The following RASA3 variants were observed in gnomAD, a reference collection of about 807,000 sequenced individuals.
The protein encoded by RASA3 is RAS p21 protein activator 3.
Under a neutral mutation model 110.0 loss-of-function variants are expected in RASA3, and 73 were observed. That is an observed-to-expected ratio of 0.66 (90% CI 0.55 to 0.81). RASA3 has a LOEUF of 0.81. RASA3 is among the 30% of genes least tolerant of loss of function. The pLI is 0.00. For synonymous variants in RASA3, 500 were observed against 451.4 expected, an observed-to-expected ratio of 1.11 and a Z score of -1.37; for missense variants, 976 against 1,113.2, an observed-to-expected ratio of 0.88 and a Z score of 1.75.
chr13:113,990,231 A>T (rs763550987), intron 22 of RASA3, among the ~76,000 whole-genome samples: 1 of 152,066 alleles, frequency 6.6e-6, no homozygotes, highest in South Asian at 2.1e-4. Context: ...TTATAGCAAC[A>T]TGAGAACTAA....
intron 2 of RASA3, among the ~76,000 whole-genome samples, chr13:114,063,781 C>T (rs961422661): frequency 3.7e-5 from 5 of 134,606 alleles, no homozygotes; most frequent in East Asian, 5.2e-4. Context: ...AACACAAAGC[C>T]ACAGAACCCT....
intron 2 of RASA3, among the ~76,000 whole-genome samples, chr13:114,055,949 C>T (rs371650149): frequency 6.6e-6 from 1 of 152,238 alleles, no homozygotes; most frequent in African/African-American, 2.4e-5. Flanking sequence ...CCACCGGCAC[C>T]GATAGCCAAG....
intron 21 of RASA3, among the ~76,000 whole-genome samples, chr13:113,994,948 C>T (rs1392271932): frequency 1.3e-5 from 2 of 152,118 alleles, no homozygotes; most frequent in African/African-American, 2.4e-5. Flanking sequence ...TACTCCAGCC[C>T]GGGTGACAGA....
Position 114,057,422 on chromosome 13 carries a change from C to T in RASA3, c.174-5267G>A. ...AGAGGCGGCCGTGCTACAGGCCTTG[C>T]ACTCATTTTAATGAAGGCTCTGCAG... is the stretch of plus-strand genomic sequence containing the variant. On this transcript the variant is annotated intron_variant, in intron 2 of 23. Transcript: ENST00000334062. This position sits in a 1 kb window ranked among gnomAD's most constrained non-coding sequence, Gnocchi z 5.0. 2 of 985,378 alleles carry T rather than the reference C, an allele frequency of 2.0e-6. No homozygotes were observed. The highest frequency in any genetic ancestry group is 3.5e-5 in the African/African-American group (2 of 57,326). The allele number at this position is 985,378 out of a possible 1,614,324, so 61.0% of individuals were successfully genotyped here.
rs780015659 is a variant in RASA3 at position 114,027,964 on chromosome 13, G to A, written c.450-37C>T. 1.5e-5 allele frequency: 23 copies of A among 1,556,520 alleles called. No individual in the cohort carries two copies. The South Asian group carries it at 1.9e-4, about 13-fold the overall frequency. On this transcript the variant is annotated intron_variant, in intron 5 of 23. Coordinates refer to ENST00000334062, the MANE Select transcript of RASA3 (RefSeq NM_007368.4). Reference sequence around the variant, plus strand: ...AGCAGAGGCGGCGTCAGGAGGGAGCGCAGACACCTGGGCGAATGGCGAGAC... The same window carrying A: ...AGCAGAGGCGGCGTCAGGAGGGAGCACAGACACCTGGGCGAATGGCGAGAC...
intron 23 of RASA3, among the ~76,000 whole-genome samples, chr13:113,980,378 T>C (rs1376380296): frequency 7.2e-6 from 1 of 139,110 alleles, no homozygotes; most frequent in Admixed American, 7.2e-5. Flanking sequence ...CCTCCGTGTG[T>C]GTGCCTCCTC....
chr13:114,036,925 C>T (rs919980707), intron 4 of RASA3, among the ~76,000 whole-genome samples: 2 of 152,226 alleles, frequency 1.3e-5, no homozygotes, highest in Non-Finnish European at 2.9e-5. Flanking sequence ...GGGCTGACTG[C>T]ATCAGTGAAG....
At chr13:114,004,625 A>G (rs2053474372) in intron 18 of RASA3, among the ~76,000 whole-genome samples, 1 of 152,212 alleles carries the variant, frequency 6.6e-6, no homozygotes, top group Non-Finnish European at 1.5e-5. Context: ...GGGATCAAAT[A>G]AAACACGGAA....
Position 114,018,913 on chromosome 13 carries a change from G to T in RASA3, c.792C>A (p.Phe264Leu). The change falls in exon 10 of 24, where the codon TTC becomes TTA. Residue 264 changes from phenylalanine (F) to leucine (L), a missense_variant. Coordinates refer to ENST00000334062, the MANE Select transcript of RASA3 (RefSeq NM_007368.4). ...RQSSSYEAWYFLQPRDNGSKS... is the reference protein window; with the variant it reads ...RQSSSYEAWYLLQPRDNGSKS... ...TGCTACCATTGTCCCGGGGCTGGAG[G>T]AAGTACCTGGGTGGGAGGGACACAT... 6.2e-7 allele frequency: 1 copy of T among 1,613,702 alleles called. No homozygotes were observed. Among genetic ancestry groups the T allele is most frequent in the Non-Finnish European group, 8.5e-7 (1 of 1,179,972 alleles).
At chr13:114,036,799 A>C (rs1405317672) in intron 4 of RASA3, among the ~76,000 whole-genome samples, 1 of 152,070 alleles carries the variant, frequency 6.6e-6, no homozygotes, top group African/African-American at 2.4e-5. Context: ...GGCCTCCCAA[A>C]GTGCTGGAAT....
At chr13:113,982,646 C>A (rs1441378392) in intron 22 of RASA3, among the ~76,000 whole-genome samples, 1 of 152,254 alleles carries the variant, frequency 6.6e-6, no homozygotes, top group Non-Finnish European at 1.5e-5. Flanking sequence ...CGATGCCCTG[C>A]AGCTGTGTCC....
In RASA3 at chr13:114,056,472, C is replaced by T; in HGVS notation, c.174-4317G>A. The T allele has an allele frequency of 2.5e-5, 25 of 985,380 alleles. No individual in the cohort carries two copies. The highest frequency in any genetic ancestry group is 3.0e-5 in the Non-Finnish European group (25 of 829,928). 61.0% of individuals were successfully genotyped at this position (985,380 alleles called of 1,614,324 possible). A position where few individuals can be genotyped will look rare whatever the true frequency, so the allele number is the denominator to read the frequency against. ...GAAACTAACCCCAGGGCTTGGGCAG[C>T]AGGGCTGAGAGTGCGGCGTCCCTGG... On this transcript the variant is annotated intron_variant, in intron 2 of 23. Transcript: ENST00000334062. This position sits in a 1 kb window ranked among gnomAD's most constrained non-coding sequence, Gnocchi z 5.7.
In RASA3 at chr13:114,056,492, C is replaced by A; in HGVS notation, c.174-4337G>T. ...GGCAGCAGGGCTGAGAGTGCGGCGT[C>A]CCTGGGCGCTGCCCGGTAGCGGGGT... is the stretch of plus-strand genomic sequence containing the variant. On this transcript the variant is annotated intron_variant, in intron 2 of 23. Transcript: ENST00000334062. This position sits in a 1 kb window ranked among gnomAD's most constrained non-coding sequence, Gnocchi z 5.7. 1.0e-6 allele frequency: 1 copy of A among 985,350 alleles called. No homozygotes were observed. Among genetic ancestry groups the A allele is most frequent in the African/African-American group, 1.7e-5 (1 of 57,342 alleles). 61.0% of individuals were successfully genotyped at this position (985,350 alleles called of 1,614,324 possible).
intron 1 of RASA3, among the ~76,000 whole-genome samples, chr13:114,121,407 C>T (rs2080374964): frequency 6.6e-6 from 1 of 152,210 alleles, no homozygotes; most frequent in Non-Finnish European, 1.5e-5. Flanking sequence ...ACAGATTGGC[C>T]CGTGTCTTCT....
At chr13:114,122,250 G>T (rs973386679) in intron 1 of RASA3, among the ~76,000 whole-genome samples, 1 of 152,130 alleles carries the variant, frequency 6.6e-6, no homozygotes, top group Non-Finnish European at 1.5e-5. Context: ...CCTACAGACT[G>T]GGGGGGATCT....
At chr13:114,077,722 C>T in intron 1 of RASA3, 1 of 873,658 alleles carries the variant, frequency 1.1e-6, no homozygotes, top group Non-Finnish European at 1.4e-6. Flanking sequence ...GGGTTCCTCC[C>T]TCCCTGCCCG....
At chr13:114,124,109 G>C (rs2080415530) in intron 1 of RASA3, among the ~76,000 whole-genome samples, 1 of 152,204 alleles carries the variant, frequency 6.6e-6, no homozygotes, top group Admixed American at 6.5e-5. Flanking sequence ...GGACACGCAG[G>C]TCAGCGCTGC....
At chr13:114,116,299 A>G (rs1383902095) in intron 1 of RASA3, among the ~76,000 whole-genome samples, 1 of 152,152 alleles carries the variant, frequency 6.6e-6, no homozygotes, top group East Asian at 1.9e-4. Context: ...TGAAACACAC[A>G]TACATAAAAT....
At chr13:114,000,705 C>T (rs1342455081) in intron 19 of RASA3, 121 bp downstream of exon 19, 4 of 767,380 alleles carry the variant, frequency 5.2e-6, no homozygotes, top group Non-Finnish European at 8.9e-6. Flanking sequence ...CACCGCGGCC[C>T]CGGGCTCTGC....
Sources: gnomAD v4.1 joint callset for allele counts (sites outside exome capture counted in the v4.1 genomes callset) on GRCh38, gnomAD v4.1.1 for gene constraint, Gnocchi (gnomAD v3.1) non-coding constraint, MANE v1.5 for transcripts, NCBI Gene and HGNC (gene_info 2026-07-23, HGNC 2026-07-21) for gene names.